NXN: variants seen among roughly 807,000 people sequenced by gnomAD.
NXN encodes nucleoredoxin 1.
In NXN, 16 loss-of-function variants were observed where a neutral mutation model predicts 48.6. That is an observed-to-expected ratio of 0.33 (90% CI 0.22 to 0.50). The LOEUF is 0.50. Ranked by LOEUF, NXN falls within the 20% of genes least tolerant of loss-of-function variation. The pLI is 0.98. For missense variants in NXN, 492 were observed against 605.5 expected, an observed-to-expected ratio of 0.81 and a Z score of 1.97; for synonymous variants, 281 against 269.6, an observed-to-expected ratio of 1.04 and a Z score of -0.41.
chr17:905,277 G>A (rs1233478056), intron 1 of NXN: 2 of 125,496 alleles, frequency 1.6e-5, no homozygotes, highest in African/African-American at 5.3e-5. Flanking sequence ...ATATATAGAT[G>A]CCGGGCATGG....
At chr17:840,749 G>A (rs1406884319) in intron 1 of NXN, among the ~76,000 whole-genome samples, 4 of 152,206 alleles carry the variant, frequency 2.6e-5, no homozygotes, top group Non-Finnish European at 5.9e-5. Context: ...GATCGGCTGT[G>A]TCCTCCTTTT....
chr17:881,063 G>A (rs957837873), intron 1 of NXN, among the ~76,000 whole-genome samples: 7 of 152,064 alleles, frequency 4.6e-5, no homozygotes, highest in Non-Finnish European at 7.4e-5. Context: ...GAACAGACAC[G>A]TCCAGAAAGT....
At chr17:816,928 C>T (rs376179363) in intron 5 of NXN, among the ~76,000 whole-genome samples, 7 of 152,306 alleles carry the variant, frequency 4.6e-5, no homozygotes, top group East Asian at 1.9e-4. Flanking sequence ...CCTTAAGTGT[C>T]TCTGCAGAGG....
intron 1 of NXN, among the ~76,000 whole-genome samples, chr17:853,723 A>ATATATATTTTTTTTT (rs1491528474): frequency 1.9e-5 from 2 of 106,002 alleles, no homozygotes; most frequent in African/African-American, 8.6e-5. Context: ...ATATATATAT[A>ATATATATTTTTTTTT]TTTTTTTTTT....
Position 978,504 on chromosome 17 carries a change from G to A in NXN, c.360+815C>T, listed in dbSNP as rs2069487734. 1 of 152,394 alleles carries A rather than the reference G, an allele frequency of 6.6e-6. No homozygotes were observed. Among genetic ancestry groups the A allele is most frequent in the African/African-American group, 2.4e-5 (1 of 41,476 alleles). 9.4% of individuals were successfully genotyped at this position (152,394 alleles called of 1,614,324 possible). A position where few individuals can be genotyped will look rare whatever the true frequency, so the allele number is the denominator to read the frequency against. The stretch of plus-strand genomic sequence containing the variant: ...GCTCAGCCCTTAACTCGAAGACCCC[G>A]GGACCACAGGGGCCACCACGCAGCT... On this transcript the variant is annotated intron_variant, in intron 1 of 7. Coordinates refer to ENST00000336868, the MANE Select transcript of NXN (RefSeq NM_022463.5). This position sits in a 1 kb window ranked among gnomAD's most constrained non-coding sequence, Gnocchi z 4.1.
At chr17:914,181 C>CTT (rs2068663126) in intron 1 of NXN, among the ~76,000 whole-genome samples, 1 of 49,502 alleles carries the variant, frequency 2.0e-5, no homozygotes. Flanking sequence ...ATTACAGGCG[C>CTT]CCGCCACCAC....
intron 1 of NXN, among the ~76,000 whole-genome samples, chr17:863,172 G>T (rs2068058429): frequency 2.0e-5 from 3 of 151,604 alleles, no homozygotes; most frequent in Non-Finnish European, 4.4e-5. Context: ...ATACTGTTCT[G>T]TCTTCTTTGT....
intron 5 of NXN, among the ~76,000 whole-genome samples, chr17:814,967 T>C (rs1912387228): frequency 2.0e-5 from 3 of 152,178 alleles, no homozygotes; most frequent in African/African-American, 7.2e-5. Flanking sequence ...GGTTTCGCCA[T>C]GTTGGCCAGG....
intron 1 of NXN, among the ~76,000 whole-genome samples, chr17:902,935 A>G (rs1423241255): frequency 2.0e-5 from 3 of 151,000 alleles, no homozygotes; most frequent in Admixed American, 6.6e-5. Context: ...ACGTCTGGCT[A>G]ATTTTTTATA....
intron 1 of NXN, among the ~76,000 whole-genome samples, chr17:961,934 A>C (rs2069242615): frequency 6.6e-6 from 1 of 152,198 alleles, no homozygotes; most frequent in Non-Finnish European, 1.5e-5. Context: ...CAGGAGTTCA[A>C]GACCTTCCTG....
intron 1 of NXN, among the ~76,000 whole-genome samples, chr17:931,979 A>T (rs1478616142): frequency 6.8e-6 from 1 of 147,074 alleles, no homozygotes; most frequent in Non-Finnish European, 1.5e-5. Flanking sequence ...CCCCATCTCT[A>T]CTAAGAATAC....
At chr17:955,671 C>T (rs1447193855) in intron 1 of NXN, among the ~76,000 whole-genome samples, 25 of 148,974 alleles carry the variant, frequency 1.7e-4, no homozygotes, top group African/African-American at 4.2e-4. Flanking sequence ...CCGAGGCGGG[C>T]GGATCACAAG....
rs111389328 is a variant in NXN at position 839,907 on chromosome 17, G to T, written c.361-13829C>A. Among the ~76,000 whole-genome samples, 1,508 of 151,776 alleles carry T rather than the reference G, an allele frequency of 9.9e-3. 21 individuals carry two copies. The highest frequency in any genetic ancestry group is 0.035 in the African/African-American group (1,434 of 41,328). On this transcript the variant is annotated intron_variant, in intron 1 of 7. Transcript: ENST00000336868. ...AGGTCAGGAGTTCGAGACCAGCCTGGCCAACATGGTGAAACCCCGTCTCTA... is the reference window on the plus strand; with the variant it reads ...AGGTCAGGAGTTCGAGACCAGCCTGTCCAACATGGTGAAACCCCGTCTCTA...
chr17:857,284 G>A (rs1010125705), intron 1 of NXN, among the ~76,000 whole-genome samples: 13 of 151,452 alleles, frequency 8.6e-5, no homozygotes, highest in East Asian at 3.9e-4. Flanking sequence ...TTTATGAGAC[G>A]GAGTCTCGCT....
At chr17:870,322 C>T (rs549500206) in intron 1 of NXN, among the ~76,000 whole-genome samples, 7 of 152,242 alleles carry the variant, frequency 4.6e-5, no homozygotes, top group South Asian at 4.1e-4. Context: ...GTGTTACTAA[C>T]GGGGCAAGCA....
intron 1 of NXN, among the ~76,000 whole-genome samples, chr17:891,852 C>T (rs1044777477): frequency 1.9e-4 from 16 of 83,132 alleles, no homozygotes; most frequent in Admixed American, 1.2e-3. Flanking sequence ...CCACCATGTA[C>T]AGCCCAACAG....
chr17:933,104 G>A (rs1043635764), intron 1 of NXN, among the ~76,000 whole-genome samples: 12 of 152,176 alleles, frequency 7.9e-5, no homozygotes, highest in African/African-American at 1.7e-4. Context: ...CACGAGGACC[G>A]AGAAACGACA....
chr17:842,524 C>G, intron 1 of NXN: 1 of 985,434 alleles, frequency 1.0e-6, no homozygotes, highest in Non-Finnish European at 1.2e-6. Context: ...ATGCAACCCA[C>G]CTTCGAAGAC....
At chr17:863,591 G>C (rs1435333830) in intron 1 of NXN, among the ~76,000 whole-genome samples, 2 of 152,176 alleles carry the variant, frequency 1.3e-5, no homozygotes, top group Non-Finnish European at 2.9e-5. Context: ...CTCCTGAGTA[G>C]CTGGGACCAC....
Sources: allele counts gnomAD v4.1 joint callset (sites outside exome capture counted in the v4.1 genomes callset), GRCh38; gene constraint gnomAD v4.1.1; non-coding constraint Gnocchi (gnomAD v3.1); transcripts MANE v1.5; gene names NCBI Gene and HGNC (gene_info 2026-07-23, HGNC 2026-07-21).